The following GCNA variants were observed in gnomAD, a reference collection of about 807,000 sequenced individuals.
GCNA encodes the protein germ cell nuclear acidic peptidase, also known as germ cell nuclear acidic protein.
A neutral mutation model predicts 38.8 loss-of-function variants in GCNA; 3 were observed. The observed-to-expected ratio is 0.08, with a 90% CI of 0.04 to 0.20. The LOEUF (loss-of-function observed/expected upper bound fraction) is 0.20. Ranked by LOEUF, GCNA falls within the 10% of genes least tolerant of loss-of-function variation. The pLI is 1.00. For synonymous variants in GCNA, 195 were observed against 240.2 expected (o/e 0.81, Z 1.74); for missense variants, 446 against 578.6 (o/e 0.77, Z 2.35).
intron 6 of GCNA, among the ~76,000 whole-genome samples, chrX:71,596,462 AT>A (rs2040672716): frequency 8.9e-6 from 1 of 111,790 alleles, no homozygotes; most frequent in Non-Finnish European, 1.9e-5. Context: ...CATTGCTGTT[AT>A]TTATATTTTA....
chrX:71,592,832 T>C (rs1453574279), intron 4 of GCNA, among the ~76,000 whole-genome samples: 1 of 111,238 alleles, frequency 9.0e-6, no homozygotes, highest in African/African-American at 3.3e-5. Flanking sequence ...ACATCCAGGC[T>C]CTACTAGTCT....
In GCNA at chrX:71,613,107, A is replaced by G. The variant is rs1483336646; in HGVS notation, c.*125A>G. 2 of 932,789 alleles carry G rather than the reference A, an allele frequency of 2.1e-6. No individual in the cohort carries two copies. The highest frequency in any genetic ancestry group is 3.0e-6 in the Non-Finnish European group (2 of 675,479). 76.9% of individuals were successfully genotyped at this position (932,789 alleles called of 1,213,427 possible). On this transcript the variant is annotated 3_prime_UTR_variant, in exon 13 of 13. Transcript: ENST00000373696. ...AAGGCAATGAAGAATTCTTAAGGTT[A>G]TCTTAGAGTATATTAATGTGAGCTA...
At chrX:71,609,278 A>C (rs1264092452) in intron 10 of GCNA, among the ~76,000 whole-genome samples, 161 bp downstream of exon 10, 1 of 112,065 alleles carries the variant, frequency 8.9e-6, no homozygotes, top group Non-Finnish European at 1.9e-5. Context: ...AATGTGTATG[A>C]GTTATAATGT....
intron 7 of GCNA, among the ~76,000 whole-genome samples, chrX:71,601,229 C>T (rs1012176565): frequency 1.2e-4 from 13 of 110,085 alleles, no homozygotes; most frequent in African/African-American, 3.0e-4. Context: ...CTGTAGTCCC[C>T]GCTACTTGGG....
At chrX:71,588,892 G>C (rs202083401) in intron 2 of GCNA, among the ~76,000 whole-genome samples, 1 of 101,386 alleles carries the variant, frequency 9.9e-6, no homozygotes, top group Admixed American at 1.1e-4. Context: ...TTTTTTTTAA[G>C]TTTTTTTTTT....
At chrX:71,582,216 T>G (rs932751566) in intron 2 of GCNA, among the ~76,000 whole-genome samples, 2 of 101,703 alleles carry the variant, frequency 2.0e-5, no homozygotes, top group Non-Finnish European at 3.9e-5. Flanking sequence ...GAGGCAGCAG[T>G]GAGCCGAGAT....
At chrX:71,583,321 A>G (rs1054793716) in intron 2 of GCNA, among the ~76,000 whole-genome samples, 2 of 111,091 alleles carry the variant, frequency 1.8e-5, no homozygotes, top group African/African-American at 6.5e-5. Context: ...TGCCATAGTC[A>G]TTAAAAATGT....
At chrX:71,597,864 A>G (rs1424048063) in intron 6 of GCNA, 86 bp from the exon 7 acceptor site, 1 of 729,931 alleles carries the variant, frequency 1.4e-6, no homozygotes, top group African/African-American at 2.1e-5. Context: ...CAAGTGGTCA[A>G]GATCAGAAAA....
At chrX:71,578,679 A>T (rs1324963348) in intron 1 of GCNA, among the ~76,000 whole-genome samples, 157 bp downstream of exon 1, 1 of 109,972 alleles carries the variant, frequency 9.1e-6, no homozygotes, top group Non-Finnish European at 1.9e-5. Flanking sequence ...CAGCGAGGGG[A>T]GAAGTGGAGG....
At chrX:71,582,055 C>T (rs1324499723) in intron 2 of GCNA, among the ~76,000 whole-genome samples, 1 of 108,919 alleles carries the variant, frequency 9.2e-6, no homozygotes, top group African/African-American at 3.3e-5. Context: ...CAGAGGTGGG[C>T]GGATCGCTTG....
rs761879832 is a variant in GCNA at position 71,603,758 on chromosome X, G to A, written c.481G>A (p.Asp161Asn). ...CAGTGATGATTCGGAAGCTCCTGAC[G>A]ACAACAGTGATGATTCGGAAGCTCC... ...DNSDDSEAPD[D>N]NSDDSEAPDD... Residue 161 changes from aspartate (D) to asparagine (N), a missense_variant, in exon 8 of 13, where the codon GAC becomes AAC. Physicochemically the swap from Asp to Asn is conservative, Grantham distance 23. Coordinates refer to ENST00000373696, the MANE Select transcript of GCNA (RefSeq NM_052957.5). 5.8e-6 allele frequency: 7 copies of A among 1,208,888 alleles called. No individual in the cohort carries two copies. Among genetic ancestry groups the A allele is most frequent in the East Asian group, 3.0e-5 (1 of 33,721 alleles).
At chrX:71,612,745 CG>C (rs755793929) in intron 12 of GCNA, 116 bp from the exon 13 acceptor site, 784 of 1,079,309 alleles carry the variant, frequency 7.3e-4, no homozygotes, top group Middle Eastern at 1.0e-3. Flanking sequence ...GCTTGGTGCC[CG>C]GGTCTCTGAC....
At chrX:71,593,142 C>A (rs903201749) in intron 4 of GCNA, among the ~76,000 whole-genome samples, 2 of 111,890 alleles carry the variant, frequency 1.8e-5, no homozygotes, top group Admixed American at 1.9e-4. Context: ...GATCCACCTG[C>A]CTTGGCCTCC....
At position 71,610,826 on chromosome X, in the gene GCNA, G is replaced by A. The variant is rs201329665; in HGVS notation, c.1750+7G>A. 1,397 of 1,209,683 alleles carry A rather than the reference G, an allele frequency of 1.2e-3. No individual in the cohort carries two copies. The highest frequency in any genetic ancestry group is 1.3e-3 in the Non-Finnish European group (1,168 of 894,858). ...AAAGTCTGCGACTCTGCAGGTGATG[G>A]CAGGAGTGTGGTAGCTTCACCACTG... On this transcript the variant is annotated splice_region_variant and intron_variant, in intron 11 of 12. Coordinates refer to ENST00000373696, the MANE Select transcript of GCNA (RefSeq NM_052957.5).
At chrX:71,588,672 C>T (rs2040600926) in intron 2 of GCNA, among the ~76,000 whole-genome samples, 1 of 110,174 alleles carries the variant, frequency 9.1e-6, no homozygotes, top group Non-Finnish European at 1.9e-5. Context: ...ACTAAAAATA[C>T]AAAAATGAGC....
intron 4 of GCNA, among the ~76,000 whole-genome samples, chrX:71,593,042 C>T (rs1464509207): frequency 4.5e-5 from 5 of 111,289 alleles, no homozygotes; most frequent in African/African-American, 9.8e-5. Flanking sequence ...TATAGGCACA[C>T]GCTACCATGC....
intron 2 of GCNA, among the ~76,000 whole-genome samples, chrX:71,584,931 C>T (rs918398328): frequency 1.4e-4 from 15 of 111,090 alleles, no homozygotes; most frequent in Non-Finnish European, 2.8e-4. Flanking sequence ...TAGAATTCAC[C>T]AGTGAATCAA....
rs1470448484 is a variant in GCNA, at chrX:71,609,069, G to C, written c.1563G>C (p.Leu521Phe). 8.3e-7 allele frequency: 1 copy of C among 1,211,171 alleles called. No individual in the cohort carries two copies. The change falls in exon 10 of 13, where the codon TTG becomes TTC. Residue 521 changes from leucine (L) to phenylalanine (F), a missense_variant. By Grantham distance (22) the Leu-to-Phe change is conservative. This residue lies in a region of GCNA where 160 missense variants were observed against 165.2 expected (regional missense o/e 0.97). Transcript: ENST00000373696. ...ATTTAAAGCGAAATAAGGATGAATT[G>C]GTTCAGAGAATCTACGACCTGTTTA... Reference protein sequence around the residue: ...GKNLKRNKDELVQRIYDLFNR... With the variant: ...GKNLKRNKDEFVQRIYDLFNR...
Position 71,612,370 on chromosome X carries a change from C to G in GCNA, c.1766C>G (p.Thr589Ser). Residue 589 changes from threonine to serine, a missense_variant, in exon 12 of 13, where the codon ACC (threonine) becomes AGC (serine). Thr to Ser is a moderately conservative substitution (Grantham distance 58). This residue lies in a region of GCNA where 60 missense variants were observed against 111.0 expected (regional missense o/e 0.54). Transcript: ENST00000373696. The part of the protein sequence containing the change: ...VCDSADRIRD[T>S]LIHEMCHAAS... ...TTCTTTCAAGACCGAATCCGGGATA[C>G]CTTGATCCATGAAATGTGCCATGCT... 2.5e-6 allele frequency: 3 copies of G among 1,200,119 alleles called. No individual in the cohort carries two copies. The highest frequency in any genetic ancestry group is 3.4e-6 in the Non-Finnish European group (3 of 889,308).
Sources: gnomAD v4.1 joint callset for allele counts (sites outside exome capture counted in the v4.1 genomes callset) on GRCh38, gnomAD v4.1.1 for gene constraint, gnomAD v4.1.1 regional missense constraint, MANE v1.5 for transcripts, NCBI Gene and HGNC (gene_info 2026-07-23, HGNC 2026-07-21) for gene names.